Variants in AZIN2 observed in about 807,000 individuals in gnomAD.
AZIN2 encodes the protein ODC antizyme inhibitor-2.
Under a neutral mutation model 47.8 loss-of-function variants are expected in AZIN2, and 28 were observed. That is an observed-to-expected ratio of 0.59 (90% CI 0.43 to 0.80). The LOEUF is 0.80. Ranked by LOEUF, AZIN2 falls within the 30% of genes least tolerant of loss-of-function variation. The pLI is 0.00. For synonymous variants in AZIN2, 221 were observed against 239.4 expected (o/e 0.92, Z 0.71); for missense variants, 535 against 582.5 (o/e 0.92, Z 0.84).
intron 10 of AZIN2, among the ~76,000 whole-genome samples, chr1:33,117,456 A>G (rs1557726704): frequency 6.6e-6 from 1 of 152,256 alleles, no homozygotes; most frequent in Non-Finnish European, 1.5e-5. Flanking sequence ...AGTGAAGACC[A>G]AAGTGCAGAG....
At chr1:33,127,334 T>G (rs1034578104), downstream of AZIN2, among the ~76,000 whole-genome samples, 1 of 152,250 alleles carries the variant, frequency 6.6e-6, no homozygotes, top group Non-Finnish European at 1.5e-5. Flanking sequence ...TCGAGAGCCT[T>G]CTAGGCTTCG....
At chr1:33,151,494 A>G in the AZIN2 span, among the ~76,000 whole-genome samples, 2 of 152,244 alleles carry the variant, frequency 1.3e-5, no homozygotes, top group South Asian at 4.1e-4. Flanking sequence ...AACAACCTTC[A>G]GACCAGAAAG....
Position 33,101,916 on chromosome 1 carries a change from A to T in AZIN2, c.1029+3737A>T, listed in dbSNP as rs142689906. 909 of 777,128 alleles carry T rather than the reference A, an allele frequency of 1.2e-3. 11 individuals are homozygous for T. In the East Asian group the frequency reaches 0.017, roughly 15 times the overall value. 48.1% of individuals were successfully genotyped at this position (777,128 alleles called of 1,614,324 possible). A position where few individuals can be genotyped will look rare whatever the true frequency, so the allele number is the denominator to read the frequency against. ...AGCGCTCTTTTGGTGAGTATGCTGC[A>T]GTTTATTTGTCCATTCTCCTCTCAA... On this transcript the variant is annotated intron_variant, in intron 10 of 11. Transcript: ENST00000294517.
chr1:33,161,401 G>A, the AZIN2 span, among the ~76,000 whole-genome samples: 1 of 152,096 alleles, frequency 6.6e-6, no homozygotes, highest in African/African-American at 2.4e-5. The surrounding 1 kb of genome is among the most constrained non-coding windows in gnomAD (Gnocchi z 4.3). Context: ...TACTTTGTGG[G>A]ATTCTGGCTG....
the AZIN2 span, among the ~76,000 whole-genome samples, chr1:33,133,539 A>G: frequency 1.3e-5 from 2 of 152,156 alleles, no homozygotes; most frequent in Admixed American, 1.3e-4. Flanking sequence ...ACAGCTGATG[A>G]CCAGCAGAGT....
intron 9 of AZIN2, chr1:33,097,095 A>G (rs1643237412): frequency 3.5e-6 from 2 of 572,002 alleles, no homozygotes; most frequent in Non-Finnish European, 6.2e-6. Flanking sequence ...TGAGAGCAAA[A>G]CAACCTTAGA....
the AZIN2 span, among the ~76,000 whole-genome samples, chr1:33,150,615 C>A: frequency 6.6e-6 from 1 of 152,182 alleles, no homozygotes; most frequent in African/African-American, 2.4e-5. Context: ...GAGAGGACGG[C>A]CACTGAGTTG....
intron 10 of AZIN2, among the ~76,000 whole-genome samples, chr1:33,103,746 G>A (rs1431598721): frequency 2.0e-5 from 3 of 152,138 alleles, no homozygotes; most frequent in African/African-American, 4.8e-5. Context: ...CTAAATATCT[G>A]TTGAATGAAT....
rs745840314 is a variant in AZIN2, at chr1:33,120,055, G to C, written c.1256G>C (p.Arg419Pro). 1.2e-6 allele frequency: 2 copies of C among 1,613,814 alleles called. No homozygotes were observed. The highest frequency in any genetic ancestry group is 1.3e-5 in the African/African-American group (1 of 74,934). ...TCTCTCACCCCTAGGGAAGCGCTGC[G>C]AAGGCAGCTGATGGCTGCAGAACAG... is the stretch of plus-strand genomic sequence containing the variant. The part of the protein sequence containing the change: ...AMSRVAWEAL[R>P]RQLMAAEQED... The change falls in exon 12 of 12, where the codon CGA becomes CCA. Residue 419 changes from arginine to proline, a missense_variant. Physicochemically the swap from Arg to Pro is moderately radical, Grantham distance 103 (BLOSUM62 -2). Around this residue, in one of 3 missense-constraint regions of AZIN2, gnomAD observed 122 missense variants for 135.8 expected, o/e 0.90. Coordinates refer to ENST00000294517, the MANE Select transcript of AZIN2 (RefSeq NM_052998.4).
intron 10 of AZIN2, among the ~76,000 whole-genome samples, chr1:33,100,564 C>CGTGTGTGT (rs57021036): frequency 8.8e-5 from 13 of 148,322 alleles, no homozygotes; most frequent in African/African-American, 3.2e-4. Context: ...GATAGAAACA[C>CGTGTGTGT]GTGTGTGTGT....
In AZIN2 at chr1:33,082,215, G is replaced by A. The variant is rs1412969885; in HGVS notation, c.-35G>A. 1 of 1,565,918 alleles carries A rather than the reference G, an allele frequency of 6.4e-7. No individual in the cohort carries two copies. Among genetic ancestry groups the A allele is most frequent in the Admixed American group, 1.7e-5 (1 of 59,716 alleles). On this transcript the variant is annotated 5_prime_UTR_variant, in exon 4 of 12. Transcript: ENST00000294517. ...TTTCTAAGGCGGCGGCTGCAGCAGC[G>A]GCTCCATCCAGCCCGTCAGCTCCTC...
chr1:33,156,561 C>G, the AZIN2 span, among the ~76,000 whole-genome samples: 273 of 152,298 alleles, frequency 1.8e-3, 3 homozygotes, highest in Non-Finnish European at 2.2e-3. Context: ...CTGGGTCCCC[C>G]TCTTGTCCCT....
In AZIN2 at chr1:33,113,524, A is replaced by AT. The variant is rs1644381420; in HGVS notation, c.1030-4377dup. 6.6e-6 allele frequency among the ~76,000 whole-genome samples: 1 copy of AT among 152,114 alleles called. No individual in the cohort carries two copies. The highest frequency in any genetic ancestry group is 1.5e-5 in the Non-Finnish European group (1 of 68,022). On this transcript the variant is annotated intron_variant, in intron 10 of 11. Coordinates refer to ENST00000294517, the MANE Select transcript of AZIN2 (RefSeq NM_052998.4). The surrounding 1 kb of genome is among the most constrained non-coding windows in gnomAD (Gnocchi z 4.1). ...TTTATTTCTTCATCTTCTATGTATT[A>AT]TGCTTTTTTGTTTCTTTTTTTCTGA...
chr1:33,144,616 G>T, the AZIN2 span, among the ~76,000 whole-genome samples: 1 of 152,226 alleles, frequency 6.6e-6, no homozygotes, highest in South Asian at 2.1e-4. Context: ...TAAGTAAAGT[G>T]AACTTTAATT....
chr1:33,149,326 G>A, the AZIN2 span, among the ~76,000 whole-genome samples: 1 of 152,024 alleles, frequency 6.6e-6, no homozygotes, highest in Admixed American at 6.6e-5. Context: ...CTAATTTTTT[G>A]TATTTTTAGT....
At chr1:33,115,969 G>T (rs1366421525) in intron 10 of AZIN2, among the ~76,000 whole-genome samples, 1 of 152,156 alleles carries the variant, frequency 6.6e-6, no homozygotes, top group Non-Finnish European at 1.5e-5. Context: ...GTTTTTCAAT[G>T]AGTGGGGCTA....
At chr1:33,087,102 A>G (rs765182635) in intron 5 of AZIN2, among the ~76,000 whole-genome samples, 1 of 152,156 alleles carries the variant, frequency 6.6e-6, no homozygotes, top group East Asian at 1.9e-4. Context: ...CTCCATAGAT[A>G]ATCACCAGGA....
At chr1:33,152,746 G>A in the AZIN2 span, among the ~76,000 whole-genome samples, 3 of 152,212 alleles carry the variant, frequency 2.0e-5, no homozygotes, top group Admixed American at 2.0e-4. Context: ...TTTTACAGAT[G>A]AGGAAACTGG....
the AZIN2 span, among the ~76,000 whole-genome samples, chr1:33,131,121 G>T: frequency 2.6e-3 from 402 of 152,344 alleles, 1 homozygote; most frequent in Admixed American, 3.7e-3. Context: ...GCCACTGTGA[G>T]CTGGGGAAGA....
Sources: gnomAD v4.1 joint callset for allele counts (sites outside exome capture counted in the v4.1 genomes callset) on GRCh38, gnomAD v4.1.1 for gene constraint, gnomAD v4.1.1 regional missense constraint, Gnocchi (gnomAD v3.1) non-coding constraint, MANE v1.5 for transcripts, NCBI Gene and HGNC (gene_info 2026-07-23, HGNC 2026-07-21) for gene names.